Variants in DRGX observed in about 807,000 individuals in gnomAD.
DRGX encodes the protein dorsal root ganglia homeobox protein.
Under a neutral mutation model 28.6 loss-of-function variants are expected in DRGX, and 21 were observed. That is an observed-to-expected ratio of 0.73 (90% CI 0.52 to 1.06). The LOEUF is 1.06. Ranked by LOEUF, DRGX falls within the 50% of genes least tolerant of loss-of-function variation. The pLI, the probability that DRGX is intolerant of heterozygous loss-of-function variation, is 0.00. For synonymous variants in DRGX, 136 were observed against 139.1 expected, an observed-to-expected ratio of 0.98 and a Z score of 0.16; for missense variants, 354 against 343.9, an observed-to-expected ratio of 1.03 and a Z score of -0.23.
chr10:49,375,137 G>A (rs1273407390), intron 6 of DRGX, among the ~76,000 whole-genome samples: 4 of 152,148 alleles, frequency 2.6e-5, no homozygotes, highest in African/African-American at 4.8e-5. Context: ...TTCACTCCTG[G>A]ACACACTGTC....
intron 6 of DRGX, among the ~76,000 whole-genome samples, chr10:49,382,929 G>A (rs368251988): frequency 6.6e-6 from 1 of 152,152 alleles, no homozygotes; most frequent in African/African-American, 2.4e-5. Context: ...GCTGGAGAGG[G>A]ACCCCGGGGA....
intron 6 of DRGX, among the ~76,000 whole-genome samples, chr10:49,375,597 C>T (rs1055710984): frequency 6.6e-6 from 1 of 152,156 alleles, no homozygotes; most frequent in Non-Finnish European, 1.5e-5. Context: ...CATGTAAGGC[C>T]TCTGTTTCGA....
At chr10:49,386,428 CA>C in intron 6 of DRGX, 49 bp downstream of exon 6, 1 of 1,459,122 alleles carries the variant, frequency 6.9e-7, no homozygotes, top group Non-Finnish European at 9.1e-7. Flanking sequence ...ACACAAACTC[CA>C]CCAACCCCAT....
At chr10:49,383,514 C>T (rs1456827876) in intron 6 of DRGX, among the ~76,000 whole-genome samples, 1 of 152,130 alleles carries the variant, frequency 6.6e-6, no homozygotes, top group African/African-American at 2.4e-5. Flanking sequence ...AGGGCCATGG[C>T]AGGTCCAACC....
intron 6 of DRGX, among the ~76,000 whole-genome samples, chr10:49,366,657 T>C (rs77603793): frequency 0.038 from 5,769 of 152,352 alleles, 304 homozygotes; most frequent in African/African-American, 0.12. Flanking sequence ...TCTTGGCTTC[T>C]CTGAGCCTCA....
At position 49,366,234 on chromosome 10, in the gene DRGX, T is replaced by G. The variant is rs1472487779; in HGVS notation, c.674A>C (p.Asn225Thr). 1 of 1,613,602 alleles carries G rather than the reference T, an allele frequency of 6.2e-7. No homozygotes were observed. The highest frequency in any genetic ancestry group is 8.5e-7 in the Non-Finnish European group (1 of 1,179,826). Residue 225 changes from asparagine (N) to threonine (T), a missense_variant, in exon 7 of 7, where the codon AAC becomes ACC. Transcript: ENST00000374139. ...GCTGCTGCTGGTGGAAGGCAGGAGGTTGGCTGACTGCAGGACAGCTTCTGA... is the reference window on the plus strand; with the variant it reads ...GCTGCTGCTGGTGGAAGGCAGGAGGGTGGCTGACTGCAGGACAGCTTCTGA... ...EHSEAVLQSA[N>T]LLPSTSSSPG... is the part of the protein sequence containing the mutation.
Position 49,386,471 on chromosome 10 carries a change from A to T in DRGX, c.526+7T>A. ...ACGCCCACCAGCCCAGCCGAACCCA[A>T]ACTCACCTTTGAGGGAAGCCACATG... On this transcript the variant is annotated splice_region_variant and intron_variant, in intron 6 of 6. Coordinates refer to ENST00000374139, the MANE Select transcript of DRGX (RefSeq NM_001276451.2). 6.4e-7 allele frequency: 1 copy of T among 1,551,442 alleles called. No individual in the cohort carries two copies. The highest frequency in any genetic ancestry group is 2.4e-5 in the East Asian group (1 of 41,876).
intron 6 of DRGX, among the ~76,000 whole-genome samples, chr10:49,385,592 T>C (rs1220289419): frequency 6.6e-6 from 1 of 152,124 alleles, no homozygotes; most frequent in Non-Finnish European, 1.5e-5. Flanking sequence ...TGTGTGTGTA[T>C]GTGTGTGTCC....
At chr10:49,379,125 T>A (rs572918134) in intron 6 of DRGX, among the ~76,000 whole-genome samples, 1 of 152,124 alleles carries the variant, frequency 6.6e-6, no homozygotes, top group African/African-American at 2.4e-5. Flanking sequence ...CCAAAAAAAA[T>A]GCAAAATCAG....
intron 6 of DRGX, among the ~76,000 whole-genome samples, chr10:49,371,712 A>G (rs961989253): frequency 6.7e-6 from 1 of 149,682 alleles, no homozygotes; most frequent in Admixed American, 6.7e-5. Flanking sequence ...GAATCGCTTG[A>G]ACCCGGGAGG....
At chr10:49,375,283 A>C (rs989837161) in intron 6 of DRGX, among the ~76,000 whole-genome samples, 8 of 152,230 alleles carry the variant, frequency 5.3e-5, no homozygotes, top group Non-Finnish European at 2.9e-5. Context: ...TCCCAGATCC[A>C]ATCTCACAGC....
chr10:49,381,988 G>T (rs1849781673), intron 6 of DRGX, among the ~76,000 whole-genome samples: 2 of 152,084 alleles, frequency 1.3e-5, no homozygotes, highest in South Asian at 4.1e-4. Context: ...AGAAGTGGTT[G>T]GGATGTCTGG....
At chr10:49,384,289 G>A (rs1849807925) in intron 6 of DRGX, among the ~76,000 whole-genome samples, 1 of 152,228 alleles carries the variant, frequency 6.6e-6, no homozygotes, top group Non-Finnish European at 1.5e-5. Flanking sequence ...CCACCTGCCT[G>A]GCTCTGGAAA....
intron 6 of DRGX, among the ~76,000 whole-genome samples, chr10:49,371,311 G>T (rs1355719239): frequency 6.6e-6 from 1 of 152,120 alleles, no homozygotes; most frequent in African/African-American, 2.4e-5. Flanking sequence ...AATAGCTACT[G>T]AGTAAAAATC....
chr10:49,366,402 G>T, intron 6 of DRGX, 21 bp from the exon 7 acceptor site: 1 of 1,584,444 alleles, frequency 6.3e-7, no homozygotes, highest in South Asian at 1.1e-5. Context: ...AAAAACAACA[G>T]GCTCCCATCA....
chr10:49,395,275 C>T, intron 2 of DRGX, 132 bp downstream of exon 2: 1 of 1,102,592 alleles, frequency 9.1e-7, no homozygotes, highest in Non-Finnish European at 1.3e-6. Flanking sequence ...TCCAGGGAGG[C>T]CCCTACTCAC....
At position 49,386,737 on chromosome 10, in the gene DRGX, G is replaced by A. The variant is rs781448613; in HGVS notation, c.356C>T (p.Ser119Phe). 6.2e-7 allele frequency: 1 copy of A among 1,607,564 alleles called. No homozygotes were observed. Among genetic ancestry groups the A allele is most frequent in the Non-Finnish European group, 8.5e-7 (1 of 1,176,866 alleles). The change falls in exon 5 of 7, where the codon TCC becomes TTC. Residue 119 changes from serine (S) to phenylalanine (F), a missense_variant. Transcript: ENST00000374139. ...CCGGGCTTGGTCCCCAGGGGGCGGG[G>A]AGTTGATGTTTCTCACTGGAGGAGG... ...VTPPPVRNIN[S>F]PPPGDQARSK...
At chr10:49,384,959 C>A (rs574611578) in intron 6 of DRGX, among the ~76,000 whole-genome samples, 3 of 152,208 alleles carry the variant, frequency 2.0e-5, no homozygotes, top group Admixed American at 1.3e-4. Context: ...CTGACCTGGC[C>A]CTTGTCGAAG....
chr10:49,380,924 G>A (rs535426384), intron 6 of DRGX, among the ~76,000 whole-genome samples: 4 of 152,146 alleles, frequency 2.6e-5, no homozygotes, highest in Non-Finnish European at 4.4e-5. Context: ...ACTGTCCTGA[G>A]GGCCTCAAAT....
Sources: allele counts gnomAD v4.1 joint callset (sites outside exome capture counted in the v4.1 genomes callset), GRCh38; gene constraint gnomAD v4.1.1; transcripts MANE v1.5; gene names NCBI Gene and HGNC (gene_info 2026-07-23, HGNC 2026-07-21).